Variants in KCNAB1 observed in about 807,000 individuals in gnomAD.
KCNAB1 encodes the protein voltage-gated potassium channel subunit beta-1.
In KCNAB1, 35 loss-of-function variants were observed where a neutral mutation model predicts 64.6. The ratio of observed to expected loss-of-function variants is 0.54; its 90% confidence interval spans 0.41 to 0.72. The LOEUF (loss-of-function observed/expected upper bound fraction) is 0.72. KCNAB1 is among the 30% of genes least tolerant of loss of function. KCNAB1 has a pLI of 0.00. For missense variants in KCNAB1, 401 were observed against 512.9 expected, an observed-to-expected ratio of 0.78 and a Z score of 2.11; for synonymous variants, 177 against 183.8, an observed-to-expected ratio of 0.96 and a Z score of 0.30.
chr3:156,525,865 A>G (rs1718279363), intron 12 of KCNAB1, among the ~76,000 whole-genome samples: 1 of 152,232 alleles, frequency 6.6e-6, no homozygotes. Context: ...ACAGTTAGCT[A>G]ATGTTAATTT....
chr3:156,395,308 G>A (rs1052691981), intron 1 of KCNAB1, among the ~76,000 whole-genome samples: 1 of 149,830 alleles, frequency 6.7e-6, no homozygotes, highest in African/African-American at 2.5e-5. Flanking sequence ...CACTTTGGGA[G>A]GCCGAGGCGG....
At chr3:156,458,360 G>A (rs1289542589) in intron 4 of KCNAB1, among the ~76,000 whole-genome samples, 2 of 152,240 alleles carry the variant, frequency 1.3e-5, no homozygotes, top group Non-Finnish European at 2.9e-5. Flanking sequence ...GAACATGGAT[G>A]TCCAGCTCTC....
At position 156,504,980 on chromosome 3, in the gene KCNAB1, C is replaced by T. The variant is rs115784597; in HGVS notation, c.659-9384C>T. On this transcript the variant is annotated intron_variant, in intron 8 of 13. Transcript: ENST00000490337. Reference sequence around the variant, plus strand: ...AGGTCTTTCCCATAAAATCTTTGTCCAGACCAATTTCCTGAAGCATTTCCC... The same window carrying T: ...AGGTCTTTCCCATAAAATCTTTGTCTAGACCAATTTCCTGAAGCATTTCCC... Among the ~76,000 whole-genome samples the T allele has an allele frequency of 3.2e-3, 492 of 152,034 alleles. 2 individuals carry two copies. Among genetic ancestry groups the T allele is most frequent in the African/African-American group, 0.011 (470 of 41,504 alleles).
chr3:156,359,412 A>G (rs970907159), intron 1 of KCNAB1, among the ~76,000 whole-genome samples: 1 of 152,178 alleles, frequency 6.6e-6, no homozygotes, highest in Non-Finnish European at 1.5e-5. Context: ...CACCTTGTCC[A>G]TCCTCCCCCA....
intron 1 of KCNAB1, chr3:156,291,722 AG>A (rs1720438831): frequency 1.4e-6 from 2 of 1,438,124 alleles, no homozygotes; most frequent in African/African-American, 2.9e-5. Flanking sequence ...CCTGCATCGC[AG>A]CCCCTTGTGC....
intron 1 of KCNAB1, among the ~76,000 whole-genome samples, chr3:156,154,150 G>A (rs567352678): frequency 6.6e-6 from 1 of 152,276 alleles, no homozygotes; most frequent in African/African-American, 2.4e-5. Flanking sequence ...GTGAATTCCT[G>A]TTTCCACTTA....
chr3:156,307,441 A>G (rs985990471), intron 1 of KCNAB1, among the ~76,000 whole-genome samples: 48 of 151,976 alleles, frequency 3.2e-4, no homozygotes, highest in African/African-American at 1.1e-3. Flanking sequence ...TCCTCTTGCC[A>G]GTACACTTAT....
chr3:156,486,660 G>A (rs1715239469), intron 8 of KCNAB1, among the ~76,000 whole-genome samples: 1 of 152,146 alleles, frequency 6.6e-6, no homozygotes, highest in African/African-American at 2.4e-5. Flanking sequence ...AATGTCTCCT[G>A]TGTGGGGTCT....
At chr3:156,242,357 T>C (rs1251661875) in intron 1 of KCNAB1, among the ~76,000 whole-genome samples, 1 of 152,236 alleles carries the variant, frequency 6.6e-6, no homozygotes, top group African/African-American at 2.4e-5. Context: ...GTAAGTTCTT[T>C]AGTGGTGATT....
chr3:156,311,039 G>A (rs991977964), intron 1 of KCNAB1, among the ~76,000 whole-genome samples: 10 of 152,192 alleles, frequency 6.6e-5, no homozygotes, highest in African/African-American at 2.4e-4. Flanking sequence ...TGAAAGAGGA[G>A]ATGGTGTTCG....
At chr3:156,414,290 G>T (rs1433366998) in intron 1 of KCNAB1, among the ~76,000 whole-genome samples, 1 of 152,050 alleles carries the variant, frequency 6.6e-6, no homozygotes, top group Non-Finnish European at 1.5e-5. Context: ...TTCATTTTGT[G>T]GAAAGAGCTT....
Position 156,235,171 on chromosome 3 carries a change from T to A in KCNAB1, c.275+114285T>A, listed in dbSNP as rs145449575. 2.2e-3 allele frequency among the ~76,000 whole-genome samples: 330 copies of A among 152,296 alleles called. 2 individuals are homozygous for A. The highest frequency in any genetic ancestry group is 7.6e-3 in the African/African-American group (318 of 41,570). On this transcript the variant is annotated intron_variant, in intron 1 of 13. Coordinates refer to ENST00000490337, the MANE Select transcript of KCNAB1 (RefSeq NM_172160.3). ...CAACTGCTGAATTCGTACACATCAGTCTCTCTACTCTCGTTCAAGCTTGCC... is the reference window on the plus strand; with the variant it reads ...CAACTGCTGAATTCGTACACATCAGACTCTCTACTCTCGTTCAAGCTTGCC...
intron 6 of KCNAB1, among the ~76,000 whole-genome samples, chr3:156,465,309 T>C (rs1476486119): frequency 6.6e-6 from 1 of 152,202 alleles, no homozygotes; most frequent in Non-Finnish European, 1.5e-5. Context: ...TCAAGCCTTT[T>C]TATTTTCTCT....
chr3:156,479,831 A>G (rs1043390929), intron 8 of KCNAB1, among the ~76,000 whole-genome samples: 2 of 152,130 alleles, frequency 1.3e-5, no homozygotes, highest in Non-Finnish European at 2.9e-5. Flanking sequence ...TCAATTTCAA[A>G]TAAGAGAAGC....
At chr3:156,126,822 A>G (rs986589908) in intron 1 of KCNAB1, among the ~76,000 whole-genome samples, 2 of 151,114 alleles carry the variant, frequency 1.3e-5, no homozygotes, top group East Asian at 3.9e-4. Context: ...TTGTTACGGG[A>G]GCTCAAGTGA....
chr3:156,129,039 G>A (rs936777797), intron 1 of KCNAB1, among the ~76,000 whole-genome samples: 5 of 93,900 alleles, frequency 5.3e-5, no homozygotes, highest in East Asian at 3.9e-4. Flanking sequence ...CCTTCTTCCC[G>A]GGGCTTTTAT....
At chr3:156,212,081 A>G (rs369868549) in intron 1 of KCNAB1, among the ~76,000 whole-genome samples, 1 of 152,142 alleles carries the variant, frequency 6.6e-6, no homozygotes, top group African/African-American at 2.4e-5. Flanking sequence ...GAACTTCATG[A>G]TCCCCCACCA....
At chr3:156,494,614 T>G (rs868344227) in intron 8 of KCNAB1, among the ~76,000 whole-genome samples, 5 of 151,316 alleles carry the variant, frequency 3.3e-5, no homozygotes, top group Admixed American at 3.3e-4. Context: ...TGTGAAAGTT[T>G]CAAGGCAATG....
chr3:156,199,871 G>T (rs925584944), intron 1 of KCNAB1, among the ~76,000 whole-genome samples: 1 of 152,198 alleles, frequency 6.6e-6, no homozygotes, highest in Admixed American at 6.5e-5. Context: ...CTGGAGAGAA[G>T]TTGTGATCCT....
Sources: gnomAD v4.1 joint callset for allele counts (sites outside exome capture counted in the v4.1 genomes callset) on GRCh38, gnomAD v4.1.1 for gene constraint, MANE v1.5 for transcripts, NCBI Gene and HGNC (gene_info 2026-07-23, HGNC 2026-07-21) for gene names.